Variants in COL5A2 observed in about 807,000 individuals in gnomAD.
COL5A2 encodes collagen alpha-2(V) chain.
In COL5A2, 23 loss-of-function variants were observed where a neutral mutation model predicts 208.2. The ratio of observed to expected loss-of-function variants is 0.11; its 90% CI spans 0.08 to 0.16. COL5A2 has a LOEUF of 0.16. COL5A2 is among the 10% of genes least tolerant of loss of function. COL5A2 has a pLI of 1.00. For missense variants in COL5A2, 1,590 were observed against 1,956.4 expected, an observed-to-expected ratio of 0.81 and a Z score of 3.53; for synonymous variants, 625 against 628.5, an observed-to-expected ratio of 0.99 and a Z score of 0.08.
chr2:189,361,690 C>CT, the COL5A2 span, among the ~76,000 whole-genome samples: 2 of 151,908 alleles, frequency 1.3e-5, no homozygotes, highest in Non-Finnish European at 2.9e-5. Flanking sequence ...CTTTCTTTCT[C>CT]TTTTCCTCTT....
chr2:189,150,111 C>T (rs1465792166), intron 1 of COL5A2, among the ~76,000 whole-genome samples: 1 of 152,142 alleles, frequency 6.6e-6, no homozygotes, highest in Non-Finnish European at 1.5e-5. Context: ...CTAGCCCTCA[C>T]TCATTACTGG....
the COL5A2 span, among the ~76,000 whole-genome samples, chr2:189,428,198 A>G: frequency 6.6e-6 from 1 of 152,210 alleles, no homozygotes; most frequent in African/African-American, 2.4e-5. Flanking sequence ...CCCAGATCTC[A>G]TGTTAAAATA....
At chr2:189,174,228 C>T (rs535967425) in intron 1 of COL5A2, among the ~76,000 whole-genome samples, 2 of 152,140 alleles carry the variant, frequency 1.3e-5, no homozygotes, top group African/African-American at 2.4e-5. Context: ...AGGCCTGTAG[C>T]GATAGTGCTC....
the COL5A2 span, among the ~76,000 whole-genome samples, chr2:189,267,416 C>T: frequency 6.6e-6 from 1 of 152,068 alleles, no homozygotes; most frequent in African/African-American, 2.4e-5. Flanking sequence ...ATTAAAAATA[C>T]AATCACAAAA....
chr2:189,377,416 T>A, the COL5A2 span, among the ~76,000 whole-genome samples: 1 of 152,188 alleles, frequency 6.6e-6, no homozygotes, highest in Non-Finnish European at 1.5e-5. Context: ...ATCATATGAC[T>A]ATTAATCTCC....
chr2:189,291,868 T>C, the COL5A2 span, among the ~76,000 whole-genome samples: 1 of 152,170 alleles, frequency 6.6e-6, no homozygotes, highest in Non-Finnish European at 1.5e-5. Context: ...TGAAAATGTA[T>C]TAATTTAGCA....
chr2:189,228,790 A>T (rs1282149926), upstream of COL5A2, among the ~76,000 whole-genome samples: 1 of 151,924 alleles, frequency 6.6e-6, no homozygotes, highest in African/African-American at 2.4e-5. Context: ...AAGAGAAAGG[A>T]ACACTTTGAA....
chr2:189,407,615 T>A, the COL5A2 span, among the ~76,000 whole-genome samples: 1 of 152,152 alleles, frequency 6.6e-6, no homozygotes, highest in African/African-American at 2.4e-5. Context: ...CAGCTGTGTA[T>A]GATTAAGAAT....
the COL5A2 span, among the ~76,000 whole-genome samples, chr2:189,407,462 G>A: frequency 1.3e-5 from 2 of 152,052 alleles, no homozygotes; most frequent in Admixed American, 1.3e-4. Flanking sequence ...CACATTGAAA[G>A]GGACATTTAC....
At chr2:189,184,796 C>T (rs896763645), upstream of COL5A2, among the ~76,000 whole-genome samples, 7 of 152,032 alleles carry the variant, frequency 4.6e-5, no homozygotes, top group Non-Finnish European at 1.0e-4. Context: ...GGGATTAGGA[C>T]GTGAGTGCAT....
intron 1 of COL5A2, among the ~76,000 whole-genome samples, chr2:189,212,894 T>C (rs539617476): frequency 6.8e-4 from 103 of 150,866 alleles, no homozygotes; most frequent in African/African-American, 2.4e-3. Flanking sequence ...TACACACATA[T>C]ATATATTTTT....
upstream of COL5A2, among the ~76,000 whole-genome samples, chr2:189,180,258 G>C (rs1455804164): frequency 1.3e-5 from 2 of 151,996 alleles, no homozygotes; most frequent in African/African-American, 4.8e-5. Context: ...TCTCAGATTC[G>C]GTTTCTTTTC....
chr2:189,360,511 GTTAT>G, the COL5A2 span, among the ~76,000 whole-genome samples: 6 of 151,996 alleles, frequency 3.9e-5, no homozygotes, highest in African/African-American at 1.2e-4. Flanking sequence ...TTAGAAGTAT[GTTAT>G]TTAATTTTTA....
chr2:189,166,376 G>A (rs1043937559), intron 1 of COL5A2, among the ~76,000 whole-genome samples: 2 of 151,902 alleles, frequency 1.3e-5, no homozygotes, highest in Non-Finnish European at 2.9e-5. Flanking sequence ...GACATTATGG[G>A]CAGAGAACTA....
chr2:189,060,321 A>G (rs1042826747), intron 31 of COL5A2, among the ~76,000 whole-genome samples: 1 of 152,224 alleles, frequency 6.6e-6, no homozygotes, highest in Non-Finnish European at 1.5e-5. Flanking sequence ...TGCTTTGTAG[A>G]GGCAAGCACA....
At chr2:189,164,276 T>C (rs1688424534) in intron 1 of COL5A2, among the ~76,000 whole-genome samples, 1 of 152,196 alleles carries the variant, frequency 6.6e-6, no homozygotes, top group Non-Finnish European at 1.5e-5. Flanking sequence ...ATAATAATAG[T>C]GATTCAGGCT....
At chr2:189,269,435 T>G in the COL5A2 span, among the ~76,000 whole-genome samples, 121 of 152,112 alleles carry the variant, frequency 8.0e-4, no homozygotes, top group African/African-American at 2.8e-3. Context: ...TTATTGAGAG[T>G]TTTTAGGATG....
intron 1 of COL5A2, among the ~76,000 whole-genome samples, chr2:189,140,524 T>C (rs1687915413): frequency 6.6e-6 from 1 of 152,062 alleles, no homozygotes; most frequent in Non-Finnish European, 1.5e-5. Context: ...ATAATAAAAA[T>C]ACAGAAAAAT....
the COL5A2 span, among the ~76,000 whole-genome samples, chr2:189,335,307 A>G: frequency 5.3e-5 from 8 of 152,104 alleles, no homozygotes; most frequent in African/African-American, 1.9e-4. Context: ...AAAGCAGACA[A>G]CAACAAATAT....
Sources: allele counts gnomAD v4.1 joint callset (sites outside exome capture counted in the v4.1 genomes callset), GRCh38; gene constraint gnomAD v4.1.1; transcripts MANE v1.5; gene names NCBI Gene and HGNC (gene_info 2026-07-23, HGNC 2026-07-21).